ANO6: variants seen among roughly 807,000 people sequenced by gnomAD.
ANO6 encodes the protein anoctamin 6.
In ANO6, 106 loss-of-function variants were observed where a neutral mutation model predicts 117.5. The observed-to-expected ratio is 0.90, with a 90% confidence interval of 0.77 to 1.06. The LOEUF (loss-of-function observed/expected upper bound fraction) is 1.06. ANO6 is among the 50% of genes least tolerant of loss of function. The pLI is 0.00. For missense variants in ANO6, 955 were observed against 1,121.1 expected, an observed-to-expected ratio of 0.85 and a Z score of 2.12; for synonymous variants, 367 against 385.1, an observed-to-expected ratio of 0.95 and a Z score of 0.55.
chr12:45,347,343 A>G, intron 4 of ANO6: 1 of 450,466 alleles, frequency 2.2e-6, no homozygotes, highest in Admixed American at 3.8e-5. Context: ...TTCTTTAAGA[A>G]ACTTCTAAAA....
chr12:45,312,321 C>G (rs1939875225), intron 2 of ANO6, among the ~76,000 whole-genome samples: 1 of 152,006 alleles, frequency 6.6e-6, no homozygotes, highest in Non-Finnish European at 1.5e-5. Flanking sequence ...CAAATAACCT[C>G]ATCGTATCAT....
intron 7 of ANO6, among the ~76,000 whole-genome samples, chr12:45,356,789 T>C (rs1473384184): frequency 6.6e-6 from 1 of 152,104 alleles, no homozygotes; most frequent in Non-Finnish European, 1.5e-5. Flanking sequence ...TGAAAAAAAA[T>C]CCACATTTAA....
At chr12:45,428,905 A>ATTAT (rs1943568874) in intron 19 of ANO6, among the ~76,000 whole-genome samples, 200 bp from the exon 20 acceptor site, 2 of 152,198 alleles carry the variant, frequency 1.3e-5, no homozygotes, top group Non-Finnish European at 1.5e-5. Context: ...ATCACATAGT[A>ATTAT]TTATTTAAAT....
chr12:45,236,582 T>A (rs912457397), intron 1 of ANO6, among the ~76,000 whole-genome samples: 2 of 152,256 alleles, frequency 1.3e-5, no homozygotes, highest in Non-Finnish European at 2.9e-5. Context: ...GGTTGCATAG[T>A]ATTCCACGGT....
intron 16 of ANO6, among the ~76,000 whole-genome samples, chr12:45,414,207 G>A (rs747023485): frequency 2.6e-5 from 4 of 151,850 alleles, no homozygotes; most frequent in African/African-American, 4.8e-5. Context: ...GAAGCAAGCA[G>A]AGAAAGCATT....
At chr12:45,363,854 C>T (rs1401250633) in intron 8 of ANO6, among the ~76,000 whole-genome samples, 1 of 152,160 alleles carries the variant, frequency 6.6e-6, no homozygotes. Context: ...TGCCTTTTGC[C>T]TTCTGCCATG....
chr12:45,331,531 A>C (rs1940666741), intron 3 of ANO6, 108 bp downstream of exon 3: 4 of 1,054,054 alleles, frequency 3.8e-6, no homozygotes, highest in African/African-American at 1.6e-5. Flanking sequence ...AATATCATAC[A>C]CAAAACAGTT....
intron 1 of ANO6, among the ~76,000 whole-genome samples, chr12:45,225,523 C>T (rs1947468793): frequency 2.0e-5 from 3 of 151,092 alleles, no homozygotes; most frequent in Non-Finnish European, 4.4e-5. Context: ...GAGTCTTACT[C>T]TTTTTCCTAG....
At chr12:45,283,483 C>A (rs1938808587) in intron 1 of ANO6, among the ~76,000 whole-genome samples, 1 of 152,128 alleles carries the variant, frequency 6.6e-6, no homozygotes, top group East Asian at 1.9e-4. Flanking sequence ...TGCTGTATTT[C>A]CAGAGCTTGC....
chr12:45,300,398 C>T (rs1299793562), intron 1 of ANO6, among the ~76,000 whole-genome samples: 2 of 152,186 alleles, frequency 1.3e-5, no homozygotes. Context: ...AGGCTGGTCT[C>T]AAACTCCTGG....
intron 1 of ANO6, among the ~76,000 whole-genome samples, chr12:45,278,395 C>A (rs1182852866): frequency 2.6e-5 from 4 of 152,174 alleles, no homozygotes; most frequent in Non-Finnish European, 5.9e-5. Flanking sequence ...TTGTCTAATC[C>A]ATGAATACGT....
intron 19 of ANO6, among the ~76,000 whole-genome samples, chr12:45,427,936 CAA>C (rs35996135): frequency 3.7e-4 from 23 of 62,950 alleles, no homozygotes; most frequent in Non-Finnish European, 5.3e-4. Context: ...GACTCTGCCT[CAA>C]AAAAAAAAAA....
intron 8 of ANO6, among the ~76,000 whole-genome samples, chr12:45,357,874 A>C (rs1490835288): frequency 6.6e-6 from 1 of 152,204 alleles, no homozygotes; most frequent in Non-Finnish European, 1.5e-5. Context: ...ACTACTAAAA[A>C]GTGCTTGTTT....
chr12:45,277,853 G>T lies in ANO6; in HGVS notation c.71-24161G>T, dbSNP rs868011198. Among the ~76,000 whole-genome samples, 5 of 152,068 alleles carry T rather than the reference G, an allele frequency of 3.3e-5. No homozygotes were observed. The Middle Eastern group carries it at 0.014, about 414-fold the overall frequency. On this transcript the variant is annotated intron_variant, in intron 1 of 19. Coordinates refer to ENST00000320560, the MANE Select transcript of ANO6 (RefSeq NM_001025356.3). ...ATTTTGTGGATTTTTTTCTTTGAAC[G>T]CAGTACTTAGAAATTCCATAATGAT... is the stretch of plus-strand genomic sequence containing the variant.
intron 1 of ANO6, among the ~76,000 whole-genome samples, chr12:45,258,305 A>T (rs753131598): frequency 6.6e-6 from 1 of 152,238 alleles, no homozygotes; most frequent in African/African-American, 2.4e-5. Flanking sequence ...TTACATACAC[A>T]TGCATACTTA....
chr12:45,227,098 C>T (rs1285418399), intron 1 of ANO6, among the ~76,000 whole-genome samples: 3 of 150,024 alleles, frequency 2.0e-5, no homozygotes, highest in Non-Finnish European at 4.4e-5. Context: ...AAGCTATTCT[C>T]CTGCCTCAGG....
chr12:45,375,897 C>A (rs1399634761), intron 9 of ANO6, among the ~76,000 whole-genome samples: 1 of 148,814 alleles, frequency 6.7e-6, no homozygotes, highest in Non-Finnish European at 1.5e-5. Flanking sequence ...GCAAAAGAAA[C>A]TACCATCAGA....
chr12:45,317,491 T>A (rs888698639), intron 2 of ANO6, among the ~76,000 whole-genome samples: 2 of 151,824 alleles, frequency 1.3e-5, no homozygotes, highest in Non-Finnish European at 2.9e-5. Flanking sequence ...ATGGTGTATA[T>A]GTGCCACATT....
chr12:45,439,700 GAC>G lies in ANO6; in HGVS notation c.2556_2557del (p.His852GlnfsTer15), dbSNP rs1943749012. 6.6e-7 allele frequency: 1 copy of G among 1,516,222 alleles called. No individual in the cohort carries two copies. Among genetic ancestry groups the G allele is most frequent in the East Asian group, 2.5e-5 (1 of 40,324 alleles). 93.9% of individuals were successfully genotyped at this position (1,516,222 alleles called of 1,614,324 possible). On this transcript the variant is annotated frameshift_variant, in exon 20 of 20. Coordinates refer to the ANO6 transcript ENST00000425752. LOFTEE classifies it low-confidence loss of function (END_TRUNC). ...TATCTCGCTTTGTTGCCCAGGCTGG[GAC>G]ACAGTGGCATGATCTTGGCTCACTG...
Sources: gnomAD v4.1 joint callset for allele counts (sites outside exome capture counted in the v4.1 genomes callset) on GRCh38, gnomAD v4.1.1 for gene constraint, MANE v1.5 for transcripts, NCBI Gene and HGNC (gene_info 2026-07-23, HGNC 2026-07-21) for gene names.